Variants in RBMS3 observed in about 807,000 individuals in gnomAD.
RBMS3 encodes RNA-binding motif, single-stranded-interacting protein 3.
A neutral mutation model predicts 66.8 loss-of-function variants in RBMS3; 27 were observed. The ratio of observed to expected loss-of-function variants is 0.40; its 90% CI spans 0.30 to 0.56. The LOEUF (loss-of-function observed/expected upper bound fraction) is 0.56. Ranked by LOEUF, RBMS3 falls within the 20% of genes least tolerant of loss-of-function variation. The probability of loss-of-function intolerance (pLI) is 0.40; values close to 1 mark genes in which losing one functional copy is unlikely to be tolerated. For missense variants in RBMS3, 513 were observed against 549.5 expected (o/e 0.93, Z 0.66); for synonymous variants, 188 against 183.0 (o/e 1.03, Z -0.22).
intron 1 of RBMS3, among the ~76,000 whole-genome samples, chr3:29,288,830 C>T (rs1165530183): frequency 3.3e-5 from 5 of 151,906 alleles, no homozygotes; most frequent in African/African-American, 1.2e-4. Context: ...GAACTGAATA[C>T]TGTGGTTACC....
At chr3:29,454,189 C>T (rs2042104584) in intron 2 of RBMS3, among the ~76,000 whole-genome samples, 1 of 152,142 alleles carries the variant, frequency 6.6e-6, no homozygotes, top group Non-Finnish European at 1.5e-5. Context: ...TAGGTATTCC[C>T]CTCCTGGGAT....
chr3:29,759,366 T>C (rs1183751210), intron 5 of RBMS3, among the ~76,000 whole-genome samples: 1 of 152,206 alleles, frequency 6.6e-6, no homozygotes, highest in East Asian at 1.9e-4. Flanking sequence ...TGAAGCTTTA[T>C]ACAATGATTA....
intron 1 of RBMS3, among the ~76,000 whole-genome samples, chr3:29,327,338 C>T (rs955197623): frequency 5.3e-5 from 8 of 152,120 alleles, no homozygotes; most frequent in East Asian, 1.9e-4. Context: ...CTGAAAAAAT[C>T]GTGATTGTTC....
intron 6 of RBMS3, among the ~76,000 whole-genome samples, chr3:29,819,432 A>G (rs901157486): frequency 6.6e-5 from 10 of 152,234 alleles, no homozygotes; most frequent in African/African-American, 2.2e-4. Context: ...TTGGACCACA[A>G]GCCATAGTTT....
chr3:29,740,145 C>T (rs1419400866), intron 5 of RBMS3, among the ~76,000 whole-genome samples: 1 of 152,042 alleles, frequency 6.6e-6, no homozygotes, highest in African/African-American at 2.4e-5. Context: ...AGTTCCCAGT[C>T]CTCTCTGTGC....
Position 29,570,503 on chromosome 3 carries a change from C to G in RBMS3, c.308-16611C>G, listed in dbSNP as rs2046915208. Among the ~76,000 whole-genome samples the G allele has an allele frequency of 2.0e-5, 3 of 152,106 alleles. No individual in the cohort carries two copies. The South Asian group carries it at 6.2e-4, about 31-fold the overall frequency. ...ACAGTTCCCAGCCTCTGGTAACCAT[C>G]CTTCTACTGTCTATCTCCATGTGTT... is the stretch of plus-strand genomic sequence containing the variant. On this transcript the variant is annotated intron_variant, in intron 3 of 14. Coordinates refer to ENST00000383767, the MANE Select transcript of RBMS3 (RefSeq NM_001003793.3).
chr3:29,352,333 C>T (rs116583367), intron 1 of RBMS3, among the ~76,000 whole-genome samples: 1,586 of 151,910 alleles, frequency 0.01, 36 homozygotes, highest in African/African-American at 0.036. Flanking sequence ...TTCAGGTCCC[C>T]CTTTTATAGT....
At chr3:29,435,148 C>G in intron 2 of RBMS3, 1 of 494,500 alleles carries the variant, frequency 2.0e-6, no homozygotes, top group Non-Finnish European at 3.6e-6. Context: ...GAAATGCTGG[C>G]TGATTCATAG....
At chr3:29,524,191 C>T (rs1285837140) in intron 3 of RBMS3, among the ~76,000 whole-genome samples, 2 of 151,946 alleles carry the variant, frequency 1.3e-5, no homozygotes, top group East Asian at 3.9e-4. Context: ...TATACCTCAA[C>T]CAGTAAGTCG....
intron 11 of RBMS3, among the ~76,000 whole-genome samples, chr3:29,936,450 T>G (rs374470375): frequency 1.3e-5 from 2 of 152,098 alleles, no homozygotes; most frequent in Non-Finnish European, 2.9e-5. Flanking sequence ...ATGTACCAGA[T>G]GTAATGTCTG....
intron 4 of RBMS3, among the ~76,000 whole-genome samples, chr3:29,599,288 G>T (rs1464081285): frequency 1.3e-5 from 2 of 151,286 alleles, no homozygotes; most frequent in African/African-American, 4.9e-5. Context: ...ATGCTTGAGG[G>T]GATGGATACC....
At chr3:29,526,498 A>G (rs959179927) in intron 3 of RBMS3, among the ~76,000 whole-genome samples, 2 of 119,902 alleles carry the variant, frequency 1.7e-5, no homozygotes, top group South Asian at 3.1e-4. Context: ...TCCAGCCTGG[A>G]CGACAGAGCG....
intron 1 of RBMS3, among the ~76,000 whole-genome samples, chr3:29,352,351 A>G (rs35478176): frequency 0.022 from 3,277 of 152,110 alleles, 61 homozygotes; most frequent in Non-Finnish European, 0.034. Flanking sequence ...AGTGCATGAT[A>G]TATCTATTTA....
At chr3:29,375,028 C>CAGAATAG in intron 1 of RBMS3, among the ~76,000 whole-genome samples, 1 of 152,252 alleles carries the variant, frequency 6.6e-6, no homozygotes, top group East Asian at 1.9e-4. Context: ...ACCAATGGCA[C>CAGAATAG]AGAATAGAGA....
intron 6 of RBMS3, among the ~76,000 whole-genome samples, chr3:29,818,559 G>A (rs140023978): frequency 1.5e-3 from 226 of 152,068 alleles, no homozygotes; most frequent in African/African-American, 5.2e-3. Context: ...AAACACAAAT[G>A]TTGTGAAAAG....
intron 12 of RBMS3, among the ~76,000 whole-genome samples, chr3:29,955,288 A>G (rs564821236): frequency 6.6e-6 from 1 of 152,062 alleles, no homozygotes; most frequent in African/African-American, 2.4e-5. Context: ...CGCTTCTTCC[A>G]TTTGAGTCTA....
chr3:29,795,924 TC>T (rs1358503519), intron 6 of RBMS3, among the ~76,000 whole-genome samples: 1 of 152,190 alleles, frequency 6.6e-6, no homozygotes, highest in Non-Finnish European at 1.5e-5. Flanking sequence ...AAAACACAGT[TC>T]CTATGCTGGT....
At chr3:29,664,596 G>A (rs1481347561) in intron 4 of RBMS3, among the ~76,000 whole-genome samples, 2 of 151,546 alleles carry the variant, frequency 1.3e-5, no homozygotes, top group African/African-American at 4.9e-5. Context: ...AAATGGAAAT[G>A]GTATGATAAG....
intron 4 of RBMS3, among the ~76,000 whole-genome samples, chr3:29,620,207 G>A (rs964559141): frequency 3.3e-5 from 5 of 152,036 alleles, no homozygotes; most frequent in Middle Eastern, 3.4e-3. Context: ...ATTTTGGATT[G>A]GATCCTTTAA....
Sources: allele counts gnomAD v4.1 joint callset (sites outside exome capture counted in the v4.1 genomes callset), GRCh38; gene constraint gnomAD v4.1.1; transcripts MANE v1.5; gene names NCBI Gene and HGNC (gene_info 2026-07-23, HGNC 2026-07-21).